Variants in UPRT observed in about 807,000 individuals in gnomAD.
The protein encoded by UPRT is uracil phosphoribosyltransferase homolog.
Under a neutral mutation model 22.6 loss-of-function variants are expected in UPRT, and 5 were observed. That is an observed-to-expected ratio of 0.22 (90% CI 0.12 to 0.47). UPRT has a LOEUF of 0.47. Among genes scored for constraint, UPRT ranks in the 20% least tolerant of loss-of-function variants. The pLI is 0.99. For missense variants in UPRT, 181 were observed against 239.9 expected (o/e 0.75, Z 1.62); for synonymous variants, 77 against 87.7 (o/e 0.88, Z 0.68).
At chrX:75,225,192 G>T (rs1174983184) in intron 4 of UPRT, among the ~76,000 whole-genome samples, 1 of 110,845 alleles carries the variant, frequency 9.0e-6, no homozygotes, top group Non-Finnish European at 1.9e-5. Flanking sequence ...AGTGGGGGTT[G>T]GTAGAGACTC....
chrX:75,301,871 G>A (rs2082745434), intron 6 of UPRT, among the ~76,000 whole-genome samples: 1 of 111,962 alleles, frequency 8.9e-6, no homozygotes, highest in Non-Finnish European at 1.9e-5. Context: ...AGGCTAGACA[G>A]ACACACAGTG....
At chrX:75,225,261 G>C (rs1480978141) in intron 4 of UPRT, among the ~76,000 whole-genome samples, 1 of 108,800 alleles carries the variant, frequency 9.2e-6, no homozygotes, top group East Asian at 2.9e-4. Flanking sequence ...GAGGCCAGGA[G>C]TTTGAGACCA....
chrX:75,231,046 T>C, intron 4 of UPRT, among the ~76,000 whole-genome samples: 1 of 11,715 alleles, frequency 8.5e-5, no homozygotes, highest in Non-Finnish European at 3.9e-3. Flanking sequence ...AACAAGGATC[T>C]ATAAAACCCC....
chrX:75,220,288 A>G (rs2147634880), intron 4 of UPRT, among the ~76,000 whole-genome samples: 1 of 110,307 alleles, frequency 9.1e-6, no homozygotes, highest in South Asian at 3.8e-4. Context: ...TTCAGTCTAT[A>G]TGTGTCTTTA....
chrX:75,173,761 C>T (rs2082237910), intron 4 of UPRT, among the ~76,000 whole-genome samples: 1 of 111,761 alleles, frequency 8.9e-6, no homozygotes, highest in Admixed American at 9.4e-5. Flanking sequence ...GCAGCTAAGG[C>T]TCGGTGAGAA....
intron 4 of UPRT, among the ~76,000 whole-genome samples, chrX:75,260,521 G>A (rs2082564407): frequency 8.9e-6 from 1 of 112,363 alleles, no homozygotes; most frequent in Non-Finnish European, 1.9e-5. Flanking sequence ...ATTACAAAAT[G>A]GTAAGTGGAT....
intron 4 of UPRT, among the ~76,000 whole-genome samples, chrX:75,216,913 C>T (rs1433397117): frequency 1.8e-5 from 2 of 111,548 alleles, no homozygotes; most frequent in African/African-American, 6.5e-5. Context: ...CGCCACCATG[C>T]CCGGCTAATT....
In UPRT at chrX:75,183,799, C is replaced by G. The variant is rs1278659450; in HGVS notation, c.-447+15920C>G. Among the ~76,000 whole-genome samples the G allele has an allele frequency of 2.0e-4, 22 of 112,040 alleles. No homozygotes were observed. In the Admixed American group the frequency reaches 2.1e-3, roughly 11 times the overall value. On this transcript the variant is annotated intron_variant, in intron 4 of 13. Transcript: ENST00000652605. ...TGATGATGAGCATTTTTTCATGTGT[C>G]TGTTGGCTGCATAAATGTCTTCTTT...
At chrX:75,180,816 G>C (rs1291929641) in intron 4 of UPRT, among the ~76,000 whole-genome samples, 1 of 101,654 alleles carries the variant, frequency 9.8e-6, no homozygotes, top group South Asian at 4.9e-4. Flanking sequence ...TACGTTGTCT[G>C]CTTACTCTGT....
intron 4 of UPRT, among the ~76,000 whole-genome samples, chrX:75,265,646 T>C (rs2082585825): frequency 9.0e-6 from 1 of 111,656 alleles, no homozygotes; most frequent in Non-Finnish European, 1.9e-5. Flanking sequence ...TAGCCCGGAG[T>C]AGTTTGATCA....
intron 4 of UPRT, among the ~76,000 whole-genome samples, chrX:75,253,623 A>C (rs1321347928): frequency 8.9e-6 from 1 of 112,061 alleles, no homozygotes; most frequent in African/African-American, 3.2e-5. Context: ...GGAGCCTCAG[A>C]TCGTAAATTT....
chrX:75,176,875 A>G (rs2082248467), intron 4 of UPRT, among the ~76,000 whole-genome samples: 1 of 110,859 alleles, frequency 9.0e-6, no homozygotes, highest in African/African-American at 3.3e-5. Flanking sequence ...TGAAATTTGT[A>G]CTTCTCTCAG....
chrX:75,175,948 G>A (rs1164218895), intron 4 of UPRT, among the ~76,000 whole-genome samples: 1 of 111,162 alleles, frequency 9.0e-6, no homozygotes, highest in Non-Finnish European at 1.9e-5. Flanking sequence ...TTTGTTCAGG[G>A]CCCAGGGCTT....
intron 1 of UPRT, among the ~76,000 whole-genome samples, chrX:75,157,542 T>G (rs1316387114): frequency 2.7e-5 from 3 of 112,089 alleles, no homozygotes; most frequent in Non-Finnish European, 3.8e-5. Context: ...AGAGACCTGA[T>G]GGTAAAGGGC....
chrX:75,235,728 C>G (rs1019682014), intron 4 of UPRT, among the ~76,000 whole-genome samples: 1 of 111,600 alleles, frequency 9.0e-6, no homozygotes, highest in Non-Finnish European at 1.9e-5. Context: ...GCAGAAAAGG[C>G]CTTTGACAAA....
chrX:75,199,239 C>A (rs1350684755), intron 4 of UPRT, among the ~76,000 whole-genome samples: 1 of 111,817 alleles, frequency 8.9e-6, no homozygotes, highest in Non-Finnish European at 1.9e-5. Context: ...TCCGCAAACC[C>A]CAGGCTGCAC....
chrX:75,195,069 A>T (rs2082329092), intron 4 of UPRT, among the ~76,000 whole-genome samples: 1 of 111,466 alleles, frequency 9.0e-6, no homozygotes, highest in Non-Finnish European at 1.9e-5. Context: ...TCACCCCCCT[A>T]CACACAGACA....
At chrX:75,247,017 ATTAG>A (rs2082508991) in intron 4 of UPRT, among the ~76,000 whole-genome samples, 1 of 112,026 alleles carries the variant, frequency 8.9e-6, no homozygotes, top group Admixed American at 9.5e-5. Context: ...TTTTAGCATA[ATTAG>A]TTGGTCTCTA....
chrX:75,163,788 T>C (rs1051496080), intron 3 of UPRT, among the ~76,000 whole-genome samples: 2 of 111,900 alleles, frequency 1.8e-5, no homozygotes, highest in African/African-American at 6.5e-5. Flanking sequence ...GGAAACTTAA[T>C]CCCCAATTCA....
Sources: gnomAD v4.1 joint callset for allele counts (sites outside exome capture counted in the v4.1 genomes callset) on GRCh38, gnomAD v4.1.1 for gene constraint, MANE v1.5 for transcripts, NCBI Gene and HGNC (gene_info 2026-07-23, HGNC 2026-07-21) for gene names.